The following LPIN1 variants were observed in gnomAD, a reference collection of about 807,000 sequenced individuals.
LPIN1 encodes phosphatidate phosphatase LPIN1.
A neutral mutation model predicts 107.5 loss-of-function variants in LPIN1; 71 were observed. The observed-to-expected ratio is 0.66, with a 90% confidence interval of 0.55 to 0.80. The LOEUF (loss-of-function observed/expected upper bound fraction) is 0.80. Ranked by LOEUF, LPIN1 falls within the 30% of genes least tolerant of loss-of-function variation. The pLI, the probability that LPIN1 is intolerant of heterozygous loss-of-function variation, is 0.00. For missense variants in LPIN1, 1,043 were observed against 1,160.6 expected (o/e 0.90, Z 1.47); for synonymous variants, 445 against 452.6 (o/e 0.98, Z 0.21).
chr2:11,815,812 G>C (rs1680483370), intron 18 of LPIN1, among the ~76,000 whole-genome samples: 1 of 152,044 alleles, frequency 6.6e-6, no homozygotes, highest in South Asian at 2.1e-4. Flanking sequence ...GCCAGTTTCT[G>C]ATTACCTTCC....
upstream of LPIN1, among the ~76,000 whole-genome samples, chr2:11,720,400 TG>T (rs1367481620): frequency 6.6e-6 from 1 of 152,168 alleles, no homozygotes; most frequent in East Asian, 1.9e-4. Context: ...ATCTGTCTGC[TG>T]GGAAGTAATT....
chr2:11,735,019 C>T (rs375911413), intron 1 of LPIN1, among the ~76,000 whole-genome samples: 13 of 152,142 alleles, frequency 8.5e-5, no homozygotes, highest in African/African-American at 2.9e-4. Context: ...TGGCTGGGCG[C>T]GGTGGCTCAT....
chr2:11,695,300 TA>T (rs1277658257), intron 1 of LPIN1, among the ~76,000 whole-genome samples: 1 of 152,060 alleles, frequency 6.6e-6, no homozygotes, highest in African/African-American at 2.4e-5. Context: ...TGAAGCAAGG[TA>T]CAAGGACCAG....
At chr2:11,694,602 C>G (rs376747749) in intron 1 of LPIN1, among the ~76,000 whole-genome samples, 6 of 152,312 alleles carry the variant, frequency 3.9e-5, no homozygotes, top group African/African-American at 1.4e-4. Flanking sequence ...ATGCACCTAC[C>G]AAGTTCTCTG....
intron 2 of LPIN1, chr2:11,741,539 A>G (rs1666360984): frequency 1.2e-6 from 1 of 838,282 alleles, no homozygotes; most frequent in South Asian, 1.6e-5. Flanking sequence ...GGTTCCAAAC[A>G]TTGCCACTCG....
chr2:11,730,387 C>T (rs187282702), intron 1 of LPIN1, among the ~76,000 whole-genome samples: 47 of 152,302 alleles, frequency 3.1e-4, no homozygotes, highest in African/African-American at 1.0e-3. Flanking sequence ...CCATCTACTG[C>T]ACACCTCATC....
intron 11 of LPIN1, among the ~76,000 whole-genome samples, chr2:11,787,387 C>CTTTTGTTTTTTTTTTT (rs1674778008): frequency 7.6e-6 from 1 of 131,620 alleles, no homozygotes; most frequent in Non-Finnish European, 1.5e-5. Flanking sequence ...GTTTTCTTTT[C>CTTTTGTTTTTTTTTTT]TTTTCTTTTT....
At chr2:11,762,701 G>A (rs1392494533) in intron 1 of LPIN1, among the ~76,000 whole-genome samples, 1 of 152,206 alleles carries the variant, frequency 6.6e-6, no homozygotes, top group Non-Finnish European at 1.5e-5. Context: ...AAATTATAAG[G>A]GGTTTAGGAG....
chr2:11,718,883 G>A (rs140291479), intron 2 of LPIN1, among the ~76,000 whole-genome samples: 12 of 152,306 alleles, frequency 7.9e-5, no homozygotes, highest in African/African-American at 2.9e-4. Flanking sequence ...TCCGAGAGAT[G>A]AAAGGAAAAT....
chr2:11,716,967 C>T (rs988662689), intron 2 of LPIN1, among the ~76,000 whole-genome samples: 1 of 152,142 alleles, frequency 6.6e-6, no homozygotes, highest in African/African-American at 2.4e-5. Context: ...CTAGCTTATC[C>T]TGGCCCAGTT....
chr2:11,767,737 T>C (rs749068923), intron 2 of LPIN1, 26 bp from the exon 3 acceptor site: 1 of 1,499,698 alleles, frequency 6.7e-7, no homozygotes, highest in Admixed American at 1.7e-5. Flanking sequence ...CAGTTCATTC[T>C]TTTCTTAACC....
At chr2:11,761,362 A>G (rs1257208149) in intron 1 of LPIN1, among the ~76,000 whole-genome samples, 1 of 152,116 alleles carries the variant, frequency 6.6e-6, no homozygotes, top group African/African-American at 2.4e-5. Flanking sequence ...GTGTGTTTTG[A>G]TGTTTATATA....
At chr2:11,699,018 C>T (rs919197873) in intron 1 of LPIN1, among the ~76,000 whole-genome samples, 1 of 152,242 alleles carries the variant, frequency 6.6e-6, no homozygotes, top group Non-Finnish European at 1.5e-5. Context: ...CCCAACACAA[C>T]TTTGTAAACG....
chr2:11,824,616 G>A lies in LPIN1; in HGVS notation c.2622-16G>A, dbSNP rs908713012. ...GGTATCGCTCAGTGCCAGTGACAAT[G>A]TCCCTTTCCTTCCAGGTATGTGAGA... On this transcript the variant is annotated splice_polypyrimidine_tract_variant and intron_variant, in intron 20 of 20. Transcript: ENST00000674199. The A allele has an allele frequency of 2.5e-6, 4 of 1,613,998 alleles. No individual in the cohort carries two copies. The highest frequency in any genetic ancestry group is 3.4e-6 in the Non-Finnish European group (4 of 1,179,976).
At chr2:11,719,949 A>G (rs1664012196), upstream of LPIN1, among the ~76,000 whole-genome samples, 1 of 152,160 alleles carries the variant, frequency 6.6e-6, no homozygotes, top group Non-Finnish European at 1.5e-5. Flanking sequence ...GAAACGTTGT[A>G]TGAATGGTGC....
At chr2:11,688,027 G>T (rs1445695799) in intron 1 of LPIN1, among the ~76,000 whole-genome samples, 1 of 152,232 alleles carries the variant, frequency 6.6e-6, no homozygotes, top group East Asian at 1.9e-4. Context: ...CCACCCAGAG[G>T]TCCTCTTTGT....
chr2:11,819,089 A>G (rs985719220), intron 18 of LPIN1: 1 of 223,848 alleles, frequency 4.5e-6, no homozygotes, highest in African/African-American at 2.4e-5. Flanking sequence ...TATATTTTAG[A>G]ATTTTTGCAC....
At chr2:11,739,635 C>A (rs1666136077) in intron 1 of LPIN1, among the ~76,000 whole-genome samples, 1 of 152,190 alleles carries the variant, frequency 6.6e-6, no homozygotes, top group Non-Finnish European at 1.5e-5. Context: ...TTTACTGCAT[C>A]TCAGAACAAA....
intron 1 of LPIN1, among the ~76,000 whole-genome samples, chr2:11,703,460 A>T (rs900737041): frequency 1.3e-5 from 2 of 152,236 alleles, no homozygotes; most frequent in Non-Finnish European, 2.9e-5. Context: ...TTGTATAGAC[A>T]CATATACATG....
Sources: gnomAD v4.1 joint callset for allele counts (sites outside exome capture counted in the v4.1 genomes callset) on GRCh38, gnomAD v4.1.1 for gene constraint, MANE v1.5 for transcripts, NCBI Gene and HGNC (gene_info 2026-07-23, HGNC 2026-07-21) for gene names.